The following THSD7B variants were observed in gnomAD, a reference collection of about 807,000 sequenced individuals.
THSD7B encodes thrombospondin type 1 domain containing 7B, also known as thrombospondin type-1 domain-containing protein 7B.
Under a neutral mutation model 213.6 loss-of-function variants are expected in THSD7B, and 138 were observed. That is an observed-to-expected ratio of 0.65 (90% confidence interval 0.56 to 0.74). The LOEUF is 0.74. Ranked by LOEUF, THSD7B falls within the 30% of genes least tolerant of loss-of-function variation. The pLI is 0.00. For missense variants in THSD7B, 1,931 were observed against 1,991.5 expected (o/e 0.97, Z 0.58); for synonymous variants, 742 against 687.0 (o/e 1.08, Z -1.25).
chr2:137,595,204 C>T (rs1279352371), intron 17 of THSD7B, among the ~76,000 whole-genome samples: 1 of 151,930 alleles, frequency 6.6e-6, no homozygotes, highest in Non-Finnish European at 1.5e-5. Context: ...CAATTCTCCC[C>T]TTTGTTGCAT....
intron 2 of THSD7B, among the ~76,000 whole-genome samples, chr2:136,895,507 G>C (rs1449579839): frequency 7.4e-6 from 1 of 135,134 alleles, no homozygotes; most frequent in African/African-American, 2.8e-5. Context: ...TTTATGCCAA[G>C]TGGAGACTTT....
chr2:137,542,589 A>G (rs780747400), intron 15 of THSD7B, among the ~76,000 whole-genome samples: 1 of 151,730 alleles, frequency 6.6e-6, no homozygotes, highest in Non-Finnish European at 1.5e-5. Flanking sequence ...AACACAATAT[A>G]CATTCTTCTC....
In THSD7B at chr2:137,170,833, C is replaced by A; in HGVS notation, c.1618C>A (p.Pro540Thr). 1 of 1,613,714 alleles carries A rather than the reference C, an allele frequency of 6.2e-7. No individual in the cohort carries two copies. Among genetic ancestry groups the A allele is most frequent in the South Asian group, 1.1e-5 (1 of 91,076 alleles). ...HLVESVPCED[P>T]MCYRWLASEG... is the part of the protein sequence containing the mutation. ...GGTGGAGTCTGTTCCTTGTGAGGATCCAATGTGCTACCGATGGCTGGCATC... is the reference window on the plus strand; with the variant it reads ...GGTGGAGTCTGTTCCTTGTGAGGATACAATGTGCTACCGATGGCTGGCATC... The change falls in exon 7 of 28, where the codon CCA becomes ACA. Residue 540 changes from proline to threonine, a missense_variant. Transcript: ENST00000409968.
At chr2:137,003,696 A>G (rs1056944397) in intron 2 of THSD7B, among the ~76,000 whole-genome samples, 6 of 152,042 alleles carry the variant, frequency 3.9e-5, no homozygotes, top group African/African-American at 1.2e-4. Flanking sequence ...ATAAGCATCT[A>G]TTTACTGTGT....
intron 7 of THSD7B, among the ~76,000 whole-genome samples, chr2:137,171,210 A>G (rs557040960): frequency 6.6e-6 from 1 of 152,338 alleles, no homozygotes; most frequent in African/African-American, 2.4e-5. Context: ...AATTTGTCAA[A>G]AAAACAGAGA....
At chr2:137,031,983 G>A (rs1348801413) in intron 2 of THSD7B, among the ~76,000 whole-genome samples, 3 of 151,938 alleles carry the variant, frequency 2.0e-5, no homozygotes, top group Non-Finnish European at 4.4e-5. Context: ...GGGACTACAG[G>A]CATGCTCCAA....
chr2:137,451,965 C>A, intron 15 of THSD7B: 2 of 518,236 alleles, frequency 3.9e-6, no homozygotes, highest in Non-Finnish European at 2.5e-6. Flanking sequence ...TTCCATTCAG[C>A]CTCTATACAT....
At chr2:137,612,982 C>T (rs1310111077) in intron 17 of THSD7B, among the ~76,000 whole-genome samples, 2 of 152,134 alleles carry the variant, frequency 1.3e-5, no homozygotes, top group East Asian at 1.9e-4. Flanking sequence ...TTCACAACTT[C>T]CTCCTGATTA....
chr2:137,123,895 A>G (rs1353536046), intron 5 of THSD7B, among the ~76,000 whole-genome samples: 1 of 152,088 alleles, frequency 6.6e-6, no homozygotes, highest in East Asian at 1.9e-4. Context: ...GAAGAGGCTT[A>G]GTAATTGTGA....
At chr2:137,028,841 G>A (rs1275226043) in intron 2 of THSD7B, among the ~76,000 whole-genome samples, 1 of 152,060 alleles carries the variant, frequency 6.6e-6, no homozygotes, top group Non-Finnish European at 1.5e-5. Flanking sequence ...TCTTTCTGAT[G>A]ACTTAGAATT....
intron 17 of THSD7B, among the ~76,000 whole-genome samples, chr2:137,585,731 C>T (rs1423313633): frequency 6.6e-6 from 1 of 152,130 alleles, no homozygotes; most frequent in Non-Finnish European, 1.5e-5. Flanking sequence ...TGTTCTTTTA[C>T]ATTTGCTGAG....
At chr2:137,198,585 T>A (rs1232340719) in intron 7 of THSD7B, among the ~76,000 whole-genome samples, 2 of 152,128 alleles carry the variant, frequency 1.3e-5, no homozygotes, top group East Asian at 3.9e-4. Flanking sequence ...ATCTGAATAA[T>A]GACCAGAACA....
At chr2:136,952,785 C>T (rs995692691) in intron 2 of THSD7B, among the ~76,000 whole-genome samples, 4 of 151,986 alleles carry the variant, frequency 2.6e-5, no homozygotes, top group Non-Finnish European at 5.9e-5. Context: ...GATTATTTCA[C>T]CTTTGACTTT....
intron 1 of THSD7B, among the ~76,000 whole-genome samples, chr2:136,848,450 CAT>C (rs60087268): frequency 0.036 from 5,425 of 152,154 alleles, 174 homozygotes; most frequent in East Asian, 0.16. Flanking sequence ...AGTGATATAA[CAT>C]ACAGTTTTGG....
At chr2:137,298,628 G>A (rs1476576126) in intron 12 of THSD7B, among the ~76,000 whole-genome samples, 1 of 152,158 alleles carries the variant, frequency 6.6e-6, no homozygotes, top group Non-Finnish European at 1.5e-5. Context: ...TCCCTGTGCT[G>A]TGTGCAGCTT....
chr2:137,310,233 T>A (rs1407087993), intron 12 of THSD7B, among the ~76,000 whole-genome samples: 23 of 152,122 alleles, frequency 1.5e-4, no homozygotes, highest in Admixed American at 1.5e-3. Flanking sequence ...GTGGTTTTGA[T>A]TTTCATTTCT....
chr2:136,923,123 C>T (rs1188685936), intron 2 of THSD7B, among the ~76,000 whole-genome samples: 3 of 152,162 alleles, frequency 2.0e-5, no homozygotes, highest in African/African-American at 7.2e-5. Context: ...CCTACCTCCC[C>T]ACCTAGCCCT....
intron 2 of THSD7B, among the ~76,000 whole-genome samples, chr2:137,027,419 A>G (rs1023280503): frequency 6.6e-6 from 1 of 152,174 alleles, no homozygotes; most frequent in African/African-American, 2.4e-5. Flanking sequence ...AGAAGATCGA[A>G]TTACATCCCA....
At chr2:137,370,515 C>T (rs1685518302) in intron 12 of THSD7B, among the ~76,000 whole-genome samples, 1 of 152,186 alleles carries the variant, frequency 6.6e-6, no homozygotes, top group Non-Finnish European at 1.5e-5. Flanking sequence ...GTTGCCCAGT[C>T]TGGAATGCAG....
Sources: allele counts gnomAD v4.1 joint callset (sites outside exome capture counted in the v4.1 genomes callset), GRCh38; gene constraint gnomAD v4.1.1; transcripts MANE v1.5; gene names NCBI Gene and HGNC (gene_info 2026-07-23, HGNC 2026-07-21).